Variants in CEP83 observed in about 807,000 individuals in gnomAD.
CEP83 encodes the protein centrosomal protein 83.
Under a neutral mutation model 101.9 loss-of-function variants are expected in CEP83, and 70 were observed. The observed-to-expected ratio is 0.69, with a 90% CI of 0.57 to 0.84. The LOEUF is 0.84. CEP83 is among the 40% of genes least tolerant of loss of function. The probability of loss-of-function intolerance (pLI) is 0.00; values close to 1 mark genes in which losing one functional copy is unlikely to be tolerated. For synonymous variants in CEP83, 264 were observed against 267.9 expected (o/e 0.99, Z 0.14); for missense variants, 715 against 787.2 (o/e 0.91, Z 1.10).
At chr12:94,325,202 T>G (rs910096269) in intron 14 of CEP83, among the ~76,000 whole-genome samples, 5 of 151,848 alleles carry the variant, frequency 3.3e-5, no homozygotes, top group African/African-American at 1.2e-4. Context: ...GATGGAGTCT[T>G]GCTGTGCTGC....
At chr12:94,377,766 A>G (rs947638485) in intron 7 of CEP83, among the ~76,000 whole-genome samples, 1 of 152,202 alleles carries the variant, frequency 6.6e-6, no homozygotes, top group Non-Finnish European at 1.5e-5. Context: ...TGTATGCTAT[A>G]TTCAACTGCA....
intron 16 of CEP83, 116 bp downstream of exon 16, chr12:94,309,802 G>C (rs1413725820): frequency 1.8e-6 from 1 of 554,726 alleles, no homozygotes; most frequent in East Asian, 3.0e-5. Flanking sequence ...TGCCATTTTT[G>C]TGGTGAATTT....
At chr12:94,423,132 T>C (rs2064897741) in intron 2 of CEP83, among the ~76,000 whole-genome samples, 1 of 152,190 alleles carries the variant, frequency 6.6e-6, no homozygotes, top group Admixed American at 6.5e-5. Context: ...TTGCCCAGGC[T>C]GGAGTGCAAT....
chr12:94,380,479 C>T (rs1290420771), intron 6 of CEP83, among the ~76,000 whole-genome samples: 5 of 152,138 alleles, frequency 3.3e-5, no homozygotes, highest in Admixed American at 6.6e-5. Context: ...TTTCCTCCCA[C>T]GCTTTACAAA....
chr12:94,300,660 G>A, the CEP83 span, among the ~76,000 whole-genome samples: 4 of 152,250 alleles, frequency 2.6e-5, no homozygotes, highest in East Asian at 7.7e-4. Flanking sequence ...AGAGCTATCT[G>A]GAGAAAATTC....
At chr12:94,304,008 C>T (rs1467090784), downstream of CEP83, 11 of 1,591,960 alleles carry the variant, frequency 6.9e-6, no homozygotes, top group Admixed American at 1.7e-4. Flanking sequence ...GAAGAAGTGG[C>T]CTTGACAGAA....
At chr12:94,433,067 G>C (rs1674660337) in intron 2 of CEP83, among the ~76,000 whole-genome samples, 1 of 152,146 alleles carries the variant, frequency 6.6e-6, no homozygotes, top group African/African-American at 2.4e-5. Flanking sequence ...TTAAGGAGAA[G>C]AACATTAGTG....
At chr12:94,282,575 C>G in the CEP83 span, among the ~76,000 whole-genome samples, 1 of 152,246 alleles carries the variant, frequency 6.6e-6, no homozygotes, top group Non-Finnish European at 1.5e-5. Flanking sequence ...ATGAAGGGCT[C>G]TCACAGTGTA....
chr12:94,279,688 T>G, the CEP83 span: 13 of 1,578,758 alleles, frequency 8.2e-6, no homozygotes, highest in African/African-American at 6.7e-5. Context: ...CAGGCCCTGA[T>G]GAGTGTCCCT....
At chr12:94,297,400 C>A in the CEP83 span, 1 of 1,613,206 alleles carries the variant, frequency 6.2e-7, no homozygotes, top group Non-Finnish European at 8.5e-7. Flanking sequence ...AGAAATGTAT[C>A]TGACAAAGCT....
At chr12:94,425,476 C>A (rs2065124390) in intron 2 of CEP83, among the ~76,000 whole-genome samples, 1 of 152,198 alleles carries the variant, frequency 6.6e-6, no homozygotes, top group Non-Finnish European at 1.5e-5. Context: ...GCTTTAGGAA[C>A]TATCCCCATG....
chr12:94,396,657 T>C (rs2062919329), intron 6 of CEP83, among the ~76,000 whole-genome samples: 1 of 152,152 alleles, frequency 6.6e-6, no homozygotes, highest in Non-Finnish European at 1.5e-5. Flanking sequence ...TTTTAGTTTA[T>C]AATATCATCA....
At chr12:94,415,853 CCTAA>C (rs2064228050) in intron 2 of CEP83, among the ~76,000 whole-genome samples, 1 of 152,050 alleles carries the variant, frequency 6.6e-6, no homozygotes, top group Non-Finnish European at 1.5e-5. Context: ...ACCATGCTGA[CCTAA>C]CTGACATATG....
At chr12:94,360,288 T>C (rs1246414171) in intron 11 of CEP83, among the ~76,000 whole-genome samples, 2 of 151,972 alleles carry the variant, frequency 1.3e-5, no homozygotes, top group African/African-American at 4.8e-5. Context: ...CAATTAGGCA[T>C]GAGAGAGAAA....
At chr12:94,341,150 A>T (rs2059667380) in intron 11 of CEP83, among the ~76,000 whole-genome samples, 1 of 152,192 alleles carries the variant, frequency 6.6e-6, no homozygotes, top group Admixed American at 6.5e-5. Context: ...TTTGAAATAC[A>T]GTACTTTTAT....
At chr12:94,436,404 C>T (rs1387097520) in intron 1 of CEP83, among the ~76,000 whole-genome samples, 2 of 151,830 alleles carry the variant, frequency 1.3e-5, no homozygotes, top group East Asian at 3.9e-4. Flanking sequence ...ACAACCACAA[C>T]TTCTGGAAAT....
At chr12:94,387,898 C>G (rs1262046785) in intron 6 of CEP83, among the ~76,000 whole-genome samples, 1 of 151,678 alleles carries the variant, frequency 6.6e-6, no homozygotes, top group Non-Finnish European at 1.5e-5. Context: ...TCACACCAGT[C>G]AGAATAGCTA....
rs563758054 is a variant in CEP83, at chr12:94,407,456, C to T, written c.325-4194G>A. Among the ~76,000 whole-genome samples, 5 of 152,316 alleles carry T rather than the reference C, an allele frequency of 3.3e-5. No homozygotes were observed. In the South Asian group the frequency reaches 1.0e-3, roughly 32 times the overall value. On this transcript the variant is annotated intron_variant, in intron 4 of 16. Transcript: ENST00000397809. ...GTGATGTAGCTGCACAATATCCATG[C>T]AGCTTCTAGCATTATATGTTCAATT...
At chr12:94,446,735 T>C (rs910319228) in intron 1 of CEP83, among the ~76,000 whole-genome samples, 1 of 152,032 alleles carries the variant, frequency 6.6e-6, no homozygotes, top group Non-Finnish European at 1.5e-5. Context: ...AAAATAATGT[T>C]AAGTGACGAC....
Sources: gnomAD v4.1 joint callset for allele counts (sites outside exome capture counted in the v4.1 genomes callset) on GRCh38, gnomAD v4.1.1 for gene constraint, MANE v1.5 for transcripts, NCBI Gene and HGNC (gene_info 2026-07-23, HGNC 2026-07-21) for gene names.